ZDHHC21: variants seen among roughly 807,000 people sequenced by gnomAD.
The protein encoded by ZDHHC21 is palmitoyltransferase ZDHHC21.
A neutral mutation model predicts 34.6 loss-of-function variants in ZDHHC21; 15 were observed. The ratio of observed to expected loss-of-function variants is 0.43; its 90% CI spans 0.29 to 0.67. The LOEUF (loss-of-function observed/expected upper bound fraction) is 0.67. ZDHHC21 is among the 30% of genes least tolerant of loss of function. The probability of loss-of-function intolerance (pLI) is 0.14; values close to 1 mark genes in which losing one functional copy is unlikely to be tolerated. For synonymous variants in ZDHHC21, 142 were observed against 101.8 expected (o/e 1.40, Z -2.38); for missense variants, 344 against 327.7 (o/e 1.05, Z -0.38).
chr9:14,631,073 A>G (rs570469965), intron 8 of ZDHHC21, among the ~76,000 whole-genome samples: 1 of 152,342 alleles, frequency 6.6e-6, no homozygotes, highest in Admixed American at 6.5e-5. Flanking sequence ...CTTTGAAGCC[A>G]GGTATCGACT....
At chr9:14,657,858 G>A (rs1017895344) in intron 7 of ZDHHC21, among the ~76,000 whole-genome samples, 1 of 151,998 alleles carries the variant, frequency 6.6e-6, no homozygotes, top group Non-Finnish European at 1.5e-5. Flanking sequence ...TTCTTATTAG[G>A]CTCAATTATT....
chr9:14,639,722 T>C (rs930492522), intron 8 of ZDHHC21, among the ~76,000 whole-genome samples, 174 bp downstream of exon 8: 1 of 152,124 alleles, frequency 6.6e-6, no homozygotes. Context: ...TACAAAATTG[T>C]GTATACTTTG....
chr9:14,590,504 T>A, the ZDHHC21 span, among the ~76,000 whole-genome samples: 1 of 151,732 alleles, frequency 6.6e-6, no homozygotes, highest in African/African-American at 2.4e-5. Context: ...ATTTCTAAAA[T>A]GGAGAAAAAT....
intron 7 of ZDHHC21, among the ~76,000 whole-genome samples, chr9:14,645,839 A>T (rs1400053535): frequency 6.6e-6 from 1 of 152,168 alleles, no homozygotes; most frequent in Admixed American, 6.6e-5. Flanking sequence ...TAGTCATCAG[A>T]GAAATGTAAA....
chr9:14,663,048 G>A (rs529268829), intron 5 of ZDHHC21, among the ~76,000 whole-genome samples: 1 of 152,152 alleles, frequency 6.6e-6, no homozygotes, highest in Non-Finnish European at 1.5e-5. Flanking sequence ...GAGTGAAACA[G>A]CACACGATTA....
chr9:14,625,105 T>G (rs1355425804), intron 8 of ZDHHC21, among the ~76,000 whole-genome samples: 4 of 119,768 alleles, frequency 3.3e-5, no homozygotes, highest in African/African-American at 8.8e-5. Flanking sequence ...AACTTTAAAT[T>G]TTTCCATAGC....
the ZDHHC21 span, among the ~76,000 whole-genome samples, chr9:14,601,064 C>G: frequency 3.9e-5 from 6 of 152,138 alleles, no homozygotes; most frequent in Admixed American, 3.9e-4. Context: ...AAAACTGAGG[C>G]AATACCTTTC....
intron 2 of ZDHHC21, 114 bp downstream of exon 2, chr9:14,690,223 G>T (rs1838964168): frequency 1.0e-5 from 4 of 386,950 alleles, no homozygotes; most frequent in African/African-American, 6.4e-5. Flanking sequence ...CACACCAAGA[G>T]AGATTGGTGG....
intron 2 of ZDHHC21, among the ~76,000 whole-genome samples, chr9:14,682,526 C>G (rs1837566502): frequency 6.6e-6 from 1 of 152,084 alleles, no homozygotes; most frequent in Admixed American, 6.5e-5. Context: ...ACAGGAGCAC[C>G]CAGATTCATA....
intron 7 of ZDHHC21, among the ~76,000 whole-genome samples, chr9:14,646,182 T>C (rs997542973): frequency 7.2e-5 from 11 of 152,152 alleles, no homozygotes; most frequent in Non-Finnish European, 1.5e-5. Flanking sequence ...AATGGCTTTA[T>C]ATTAAATGAA....
chr9:14,596,195 A>G, the ZDHHC21 span, among the ~76,000 whole-genome samples: 1 of 152,256 alleles, frequency 6.6e-6, no homozygotes, highest in Non-Finnish European at 1.5e-5. Context: ...TCGATAACAA[A>G]TTGAAGATTG....
the ZDHHC21 span, among the ~76,000 whole-genome samples, chr9:14,602,066 C>T: frequency 4.0e-5 from 6 of 151,878 alleles, no homozygotes; most frequent in African/African-American, 1.5e-4. Context: ...TTGATGGGTG[C>T]AGCAAACCAC....
At chr9:14,638,514 T>A (rs750636729) in intron 8 of ZDHHC21, among the ~76,000 whole-genome samples, 7 of 151,776 alleles carry the variant, frequency 4.6e-5, no homozygotes, top group Non-Finnish European at 1.0e-4. Context: ...CCTCAAAAAA[T>A]GCAGACAACA....
intron 3 of ZDHHC21, among the ~76,000 whole-genome samples, chr9:14,675,517 T>TGGGGTCTAGGAACCACTGACC (rs747722284): frequency 6.6e-6 from 1 of 151,894 alleles, no homozygotes; most frequent in Non-Finnish European, 1.5e-5. Context: ...AACAGCTGAC[T>TGGGGTCTAGGAACCACTGACC]GGTGTCTAGG....
chr9:14,653,979 G>T (rs923784519), intron 7 of ZDHHC21, among the ~76,000 whole-genome samples: 1 of 151,978 alleles, frequency 6.6e-6, no homozygotes, highest in Non-Finnish European at 1.5e-5. Flanking sequence ...AAATCTCAGA[G>T]AAAGTAGACA....
At chr9:14,683,254 T>A (rs1020845646) in intron 2 of ZDHHC21, among the ~76,000 whole-genome samples, 1 of 152,164 alleles carries the variant, frequency 6.6e-6, no homozygotes, top group African/African-American at 2.4e-5. Flanking sequence ...AGGAGCTGGT[T>A]TTTTATTTTT....
At chr9:14,609,963 T>C (rs747810396), downstream of ZDHHC21, among the ~76,000 whole-genome samples, 1 of 152,000 alleles carries the variant, frequency 6.6e-6, no homozygotes, top group Non-Finnish European at 1.5e-5. Flanking sequence ...CGAAGCAGTA[T>C]GAGATCCAAC....
intron 3 of ZDHHC21, among the ~76,000 whole-genome samples, chr9:14,676,784 G>A (rs1487898100): frequency 6.6e-6 from 1 of 151,944 alleles, no homozygotes; most frequent in Admixed American, 6.6e-5. Flanking sequence ...TATCTACACA[G>A]TTAAAAAGAG....
At chr9:14,659,841 T>C (rs1833019840) in intron 6 of ZDHHC21, among the ~76,000 whole-genome samples, 2 of 152,180 alleles carry the variant, frequency 1.3e-5, no homozygotes. Context: ...GCTTTGTTAT[T>C]TGCAAGCAGG....
Sources: allele counts gnomAD v4.1 joint callset (sites outside exome capture counted in the v4.1 genomes callset), GRCh38; gene constraint gnomAD v4.1.1; transcripts MANE v1.5; gene names NCBI Gene and HGNC (gene_info 2026-07-23, HGNC 2026-07-21).